Variants in SPTAN1 observed in about 807,000 individuals in gnomAD.
SPTAN1 encodes the protein spectrin alpha, non-erythrocytic 1, also known as spectrin alpha chain, non-erythrocytic 1.
A neutral mutation model predicts 331.3 loss-of-function variants in SPTAN1; 61 were observed. The ratio of observed to expected loss-of-function variants is 0.18; its 90% CI spans 0.15 to 0.23. The LOEUF (loss-of-function observed/expected upper bound fraction) is 0.23. SPTAN1 is among the 10% of genes least tolerant of loss of function. The pLI is 1.00. For missense variants in SPTAN1, 2,043 were observed against 3,147.9 expected (o/e 0.65, Z 8.40); for synonymous variants, 1,153 against 1,173.9 (o/e 0.98, Z 0.36).
Position 128,582,691 on chromosome 9 carries a change from C to T in SPTAN1, c.1651-3C>T, listed in dbSNP as rs1245324684. The T allele has an allele frequency of 2.5e-6, 4 of 1,612,956 alleles. No homozygotes were observed. Among genetic ancestry groups the T allele is most frequent in the African/African-American group, 1.3e-5 (1 of 74,922 alleles). ...AGACTCACAGGGGATCCTTGTCTTT[C>T]AGCTGTTGAGCCGCCGCAATGCCCT... On this transcript the variant is annotated splice_region_variant and splice_polypyrimidine_tract_variant and intron_variant, in intron 13 of 56. Coordinates refer to ENST00000372739, the MANE Select transcript of SPTAN1 (RefSeq NM_001130438.3).
chr9:128,616,682 G>GCT (rs1857206422), intron 41 of SPTAN1, among the ~76,000 whole-genome samples: 1 of 151,362 alleles, frequency 6.6e-6, no homozygotes, highest in Admixed American at 6.6e-5. Context: ...CAGGATAATC[G>GCT]CTTGAACCAG....
rs372203791 is a variant in SPTAN1, at chr9:128,582,864, G to T, written c.1806+15G>T. 203 of 1,611,438 alleles carry T rather than the reference G, an allele frequency of 1.3e-4. No homozygotes were observed. The highest frequency in any genetic ancestry group is 1.7e-4 in the Non-Finnish European group (197 of 1,179,996). ...AAGCTTATAAAGTAATGTACTGTTA[G>T]TGTTGCCATGTAGCACTCGATTAGT... On this transcript the variant is annotated intron_variant, in intron 14 of 56. Transcript: ENST00000372739.
chr9:128,585,749 C>A lies in SPTAN1; in HGVS notation c.2562C>A (p.Gly854=). 1 of 1,613,894 alleles carries A rather than the reference C, an allele frequency of 6.2e-7. No homozygotes were observed. The highest frequency in any genetic ancestry group is 1.1e-5 in the South Asian group (1 of 91,076). The part of the protein sequence containing the change: ...TQKGNAMVEE[G]HFAAEDVKAK... ...CCTCTTTCCCTACCCATCTTCCAGG[C>A]CATTTTGCTGCAGAGGATGTGAAGG... is the stretch of plus-strand genomic sequence containing the variant. Residue 854 remains glycine, a splice_region_variant and synonymous_variant, in exon 19 of 57, where the codon GGC becomes GGA. Coordinates refer to ENST00000372739, the MANE Select transcript of SPTAN1 (RefSeq NM_001130438.3).
intron 49 of SPTAN1, 58 bp downstream of exon 49, chr9:128,626,745 T>C: frequency 1.3e-6 from 2 of 1,507,972 alleles, no homozygotes; most frequent in South Asian, 2.4e-5. Flanking sequence ...CTCTGGGCCC[T>C]GCTCAGAGCC....
intron 37 of SPTAN1, among the ~76,000 whole-genome samples, chr9:128,610,650 A>G (rs529827109): frequency 6.6e-6 from 1 of 151,962 alleles, no homozygotes. Flanking sequence ...CATAGCTGCT[A>G]TGTCCTTGCA....
chr9:128,604,172 A>G (rs1855525388), intron 28 of SPTAN1, among the ~76,000 whole-genome samples, 154 bp from the exon 29 acceptor site: 1 of 152,230 alleles, frequency 6.6e-6, no homozygotes, highest in Non-Finnish European at 1.5e-5. Flanking sequence ...TCTTACTGGA[A>G]TATTGTATAC....
chr9:128,605,074 C>G lies in SPTAN1; in HGVS notation c.3760C>G (p.Gln1254Glu). 6.2e-7 allele frequency: 1 copy of G among 1,614,018 alleles called. No homozygotes were observed. Among genetic ancestry groups the G allele is most frequent in the Non-Finnish European group, 8.5e-7 (1 of 1,180,014 alleles). Reference protein sequence around the residue: ...ETKEWIEEKNQALNTDNYGHD... With the variant: ...ETKEWIEEKNEALNTDNYGHD... ...CAAAGAATGGATTGAAGAGAAGAAT[C>G]AAGCTCTAAACACAGACAATTATGG... Residue 1254 changes from glutamine (Q) to glutamate (E), a missense_variant, in exon 30 of 57, where the codon CAA becomes GAA. Transcript: ENST00000372739.
chr9:128,621,029 C>G (rs1228571982), intron 44 of SPTAN1, 129 bp from the exon 45 acceptor site: 2 of 773,094 alleles, frequency 2.6e-6, no homozygotes, highest in Admixed American at 1.9e-5. Flanking sequence ...TTATTATCCT[C>G]TTCCCCAGCT....
At position 128,578,118 on chromosome 9, in the gene SPTAN1, G is replaced by A; in HGVS notation, c.1094G>A (p.Arg365His). 6.2e-7 allele frequency: 1 copy of A among 1,614,094 alleles called. No individual in the cohort carries two copies. The highest frequency in any genetic ancestry group is 8.5e-7 in the Non-Finnish European group (1 of 1,179,986). Residue 365 changes from arginine to histidine, a missense_variant, in exon 9 of 57, where the codon CGC (arginine) becomes CAC (histidine). Physicochemically the swap from Arg to His is conservative, Grantham distance 29. Transcript: ENST00000372739. ...ARLNDSYRLQ[R>H]FLADFRDLTS... is the part of the protein sequence containing the mutation. ...CCTTTGGTTTTCCCTAGGCTTCAAC[G>A]CTTCCTTGCTGACTTCCGTGACCTC... is the stretch of plus-strand genomic sequence containing the variant.
chr9:128,593,661 T>A (rs1010680288), intron 23 of SPTAN1: 2 of 200,712 alleles, frequency 1.0e-5, no homozygotes, highest in Non-Finnish European at 2.1e-5. Flanking sequence ...GAGAGCTGAA[T>A]GTATCATTTT....
chr9:128,633,248 A>G lies in SPTAN1; in HGVS notation c.7348A>G (p.Met2450Val), dbSNP rs774610766. The G allele has an allele frequency of 1.2e-6, 2 of 1,613,998 alleles. No individual in the cohort carries two copies. The highest frequency in any genetic ancestry group is 1.7e-6 in the Non-Finnish European group (2 of 1,180,010). Residue 2450 changes from methionine to valine, a missense_variant, in exon 57 of 57, where the codon ATG (methionine) becomes GTG (valine). Met to Val is a conservative substitution (Grantham distance 21). Around this residue, in one of 12 missense-constraint regions of SPTAN1, gnomAD observed 88 missense variants for 96.5 expected, o/e 0.91. Transcript: ENST00000372739. ...REQADYCVSHMKPYVDGKGRE... is the reference protein window; with the variant it reads ...REQADYCVSHVKPYVDGKGRE... ...ACAAGCCGACTACTGCGTCTCCCACATGAAGCCCTACGTGGACGGCAAGGG... is the reference window on the plus strand; with the variant it reads ...ACAAGCCGACTACTGCGTCTCCCACGTGAAGCCCTACGTGGACGGCAAGGG...
Position 128,627,299 on chromosome 9 carries a change from C to A in SPTAN1, c.6577-87C>A. 1 of 1,235,734 alleles carries A rather than the reference C, an allele frequency of 8.1e-7. No homozygotes were observed. The allele number at this position is 1,235,734 out of a possible 1,614,324, so 76.5% of individuals were successfully genotyped here. The stretch of plus-strand genomic sequence containing the variant: ...TTTGGGGAGGTTCCTTGTGGGGAGG[C>A]CACCACCACCCTGAGCCCATCTGTG... On this transcript the variant is annotated intron_variant, in intron 49 of 56. Coordinates refer to ENST00000372739, the MANE Select transcript of SPTAN1 (RefSeq NM_001130438.3). The surrounding 1 kb of genome is among the most constrained non-coding windows in gnomAD (Gnocchi z 4.9).
intron 18 of SPTAN1, among the ~76,000 whole-genome samples, chr9:128,585,315 C>T (rs974368749): frequency 6.6e-6 from 1 of 152,022 alleles, no homozygotes; most frequent in African/African-American, 2.4e-5. Flanking sequence ...AGCCATGAGC[C>T]ACCGCGCCTG....
chr9:128,607,160 G>C (rs994319830), intron 31 of SPTAN1, among the ~76,000 whole-genome samples: 2 of 152,036 alleles, frequency 1.3e-5, no homozygotes, highest in African/African-American at 2.4e-5. Context: ...CTAAAGAAAG[G>C]CTTTTTCTTT....
chr9:128,628,058 G>C lies in SPTAN1; in HGVS notation c.6707+116G>C, dbSNP rs779758358. The stretch of plus-strand genomic sequence containing the variant: ...TGGGCCTTCCTGCCCAGGGCGGGCT[G>C]CACTTCCCCTCCCACCCTTCTCGTC... On this transcript the variant is annotated intron_variant, in intron 51 of 56. Coordinates refer to ENST00000372739, the MANE Select transcript of SPTAN1 (RefSeq NM_001130438.3). 1.3e-5 allele frequency: 16 copies of C among 1,273,218 alleles called. No homozygotes were observed. The Admixed American group carries it at 2.7e-4, about 21-fold the overall frequency. 78.9% of individuals were successfully genotyped at this position (1,273,218 alleles called of 1,614,324 possible).
chr9:128,626,535 C>T lies in SPTAN1; in HGVS notation c.6424C>T (p.Arg2142Cys), dbSNP rs796053323. The T allele has an allele frequency of 7.4e-6, 12 of 1,614,062 alleles. No homozygotes were observed. The highest frequency in any genetic ancestry group is 2.7e-5 in the African/African-American group (2 of 74,928). Residue 2142 changes from arginine to cysteine, a missense_variant, in exon 49 of 57, where the codon CGC becomes TGC. This residue lies in a region of SPTAN1 where 256 missense variants were observed against 376.4 expected (regional missense o/e 0.68). Transcript: ENST00000372739. ...KALREAHDAF[R>C]SSLSSAQADF... ...TTTGCGCGAGGCCCACGACGCCTTC[C>T]GCTCCTCCCTCAGCTCTGCCCAGGC...
At chr9:128,615,987 C>CA in intron 41 of SPTAN1, 147 bp downstream of exon 41, 1 of 848,804 alleles carries the variant, frequency 1.2e-6, no homozygotes, top group South Asian at 1.4e-5. Flanking sequence ...GCCTCAGTGT[C>CA]TTCTGCTTTC....
chr9:128,606,820 G>A (rs1003409379), intron 31 of SPTAN1, among the ~76,000 whole-genome samples: 1 of 151,976 alleles, frequency 6.6e-6, no homozygotes, highest in Non-Finnish European at 1.5e-5. Flanking sequence ...TAAAAGCCAC[G>A]TAACATACAA....
At position 128,585,764 on chromosome 9, in the gene SPTAN1, G is replaced by A. The variant is rs1259700312; in HGVS notation, c.2577G>A (p.Glu859=). The change falls in exon 19 of 57, where the codon GAG becomes GAA. Residue 859 remains glutamate (E), a synonymous_variant. Coordinates refer to ENST00000372739, the MANE Select transcript of SPTAN1 (RefSeq NM_001130438.3). ...ATCTTCCAGGCCATTTTGCTGCAGA[G>A]GATGTGAAGGCCAAGCTTCACGAGC... ...AMVEEGHFAA[E]DVKAKLHELN... The A allele has an allele frequency of 6.2e-6, 10 of 1,614,148 alleles. No individual in the cohort carries two copies. The highest frequency in any genetic ancestry group is 1.3e-5 in the African/African-American group (1 of 75,050).
Sources: gnomAD v4.1 joint callset for allele counts (sites outside exome capture counted in the v4.1 genomes callset) on GRCh38, gnomAD v4.1.1 for gene constraint, gnomAD v4.1.1 regional missense constraint, Gnocchi (gnomAD v3.1) non-coding constraint, MANE v1.5 for transcripts, NCBI Gene and HGNC (gene_info 2026-07-23, HGNC 2026-07-21) for gene names.